Variants in GAP43 observed in about 807,000 individuals in gnomAD.
GAP43 encodes the protein neuromodulin.
GAP43 carries 6 observed loss-of-function variants against 18.6 expected under a neutral mutation model. That is an observed-to-expected ratio of 0.32 (90% CI 0.18 to 0.64). The LOEUF is 0.64. Among genes scored for constraint, GAP43 ranks in the 30% least tolerant of loss-of-function variants. The probability of loss-of-function intolerance (pLI) is 0.78; values close to 1 mark genes in which losing one functional copy is unlikely to be tolerated. For synonymous variants in GAP43, 115 were observed against 111.4 expected, an observed-to-expected ratio of 1.03 and a Z score of -0.20; for missense variants, 292 against 295.5, an observed-to-expected ratio of 0.99 and a Z score of 0.09.
intron 2 of GAP43, among the ~76,000 whole-genome samples, chr3:115,683,143 G>GCACACACACACACA (rs1263644111): frequency 1.3e-4 from 16 of 126,046 alleles, no homozygotes; most frequent in Admixed American, 4.0e-4. Context: ...GTGCGCGCGC[G>GCACACACACACACA]CGCGCACACA....
intron 2 of GAP43, among the ~76,000 whole-genome samples, chr3:115,701,812 T>C (rs1012176580): frequency 1.3e-5 from 2 of 152,128 alleles, no homozygotes; most frequent in Non-Finnish European, 2.9e-5. Flanking sequence ...CTTCCTCCCA[T>C]TGGCTATTAC....
At chr3:115,624,693 T>C (rs1364860956) in intron 1 of GAP43, among the ~76,000 whole-genome samples, 3 of 152,280 alleles carry the variant, frequency 2.0e-5, no homozygotes, top group Admixed American at 6.5e-5. Flanking sequence ...GCTTATTTCT[T>C]GAAAGACATT....
intron 2 of GAP43, among the ~76,000 whole-genome samples, chr3:115,682,050 C>A (rs1421832103): frequency 6.6e-6 from 1 of 152,146 alleles, no homozygotes; most frequent in Non-Finnish European, 1.5e-5. Flanking sequence ...ATTGGATATT[C>A]CAGACTCTTG....
intron 1 of GAP43, among the ~76,000 whole-genome samples, chr3:115,666,326 A>G (rs1708732441): frequency 6.6e-6 from 1 of 152,206 alleles, no homozygotes; most frequent in African/African-American, 2.4e-5. Flanking sequence ...GAATAGATAT[A>G]GCTCAGTAGT....
chr3:115,675,289 C>T (rs184041526), intron 1 of GAP43, among the ~76,000 whole-genome samples: 2 of 152,204 alleles, frequency 1.3e-5, no homozygotes, highest in Non-Finnish European at 2.9e-5. Flanking sequence ...CAGGGATGGT[C>T]TCGAACTCCT....
At chr3:115,686,908 G>C (rs997975304) in intron 2 of GAP43, among the ~76,000 whole-genome samples, 1 of 152,112 alleles carries the variant, frequency 6.6e-6, no homozygotes, top group Non-Finnish European at 1.5e-5. Flanking sequence ...TTCGTGCTAG[G>C]AGGAACATTG....
intron 2 of GAP43, among the ~76,000 whole-genome samples, chr3:115,709,414 G>C (rs1709406650): frequency 6.6e-6 from 1 of 152,160 alleles, no homozygotes; most frequent in South Asian, 2.1e-4. Context: ...TGAAATCCCA[G>C]CTCAGATTTT....
chr3:115,624,336 G>A (rs1461394570), intron 1 of GAP43, among the ~76,000 whole-genome samples: 1 of 151,588 alleles, frequency 6.6e-6, no homozygotes, highest in African/African-American at 2.4e-5. Flanking sequence ...AGACAACTGG[G>A]GCTGGGGGAG....
At chr3:115,661,718 G>C (rs1380376384) in intron 1 of GAP43, among the ~76,000 whole-genome samples, 1 of 151,634 alleles carries the variant, frequency 6.6e-6, no homozygotes, top group Non-Finnish European at 1.5e-5. Context: ...TCGATCTCCT[G>C]ACCTCGTGAT....
intron 2 of GAP43, among the ~76,000 whole-genome samples, chr3:115,715,815 T>G (rs529165020): frequency 6.6e-6 from 1 of 152,326 alleles, no homozygotes; most frequent in South Asian, 2.1e-4. Flanking sequence ...CCGGACTCCC[T>G]GCTTTAGTTA....
At chr3:115,687,004 A>G (rs750306043) in intron 2 of GAP43, among the ~76,000 whole-genome samples, 2 of 152,114 alleles carry the variant, frequency 1.3e-5, no homozygotes, top group African/African-American at 2.4e-5. Flanking sequence ...CCTAGGCACT[A>G]TTTGCTCAAA....
intron 1 of GAP43, among the ~76,000 whole-genome samples, chr3:115,630,648 A>G (rs949689170): frequency 2.6e-5 from 4 of 152,214 alleles, no homozygotes. Context: ...AAGGTTCAGT[A>G]GTATTTGTCA....
intron 1 of GAP43, among the ~76,000 whole-genome samples, chr3:115,635,245 T>G (rs1262779599): frequency 2.6e-5 from 4 of 152,136 alleles, no homozygotes; most frequent in African/African-American, 9.7e-5. Context: ...TATTAAATAT[T>G]CATTTGAAAA....
intron 2 of GAP43, among the ~76,000 whole-genome samples, chr3:115,681,875 C>T (rs1708961769): frequency 6.6e-6 from 1 of 152,128 alleles, no homozygotes. Context: ...TCATTGTTGA[C>T]AGCTAGCAAT....
At chr3:115,680,959 A>T (rs1449465855) in intron 2 of GAP43, among the ~76,000 whole-genome samples, 3 of 152,210 alleles carry the variant, frequency 2.0e-5, no homozygotes, top group Non-Finnish European at 4.4e-5. Context: ...GGATATTTAC[A>T]CTTATTTGGC....
At chr3:115,689,037 C>T (rs1002076128) in intron 2 of GAP43, among the ~76,000 whole-genome samples, 1 of 152,194 alleles carries the variant, frequency 6.6e-6, no homozygotes, top group Non-Finnish European at 1.5e-5. Flanking sequence ...ACAGCTTGCT[C>T]CTGTCCCAGG....
intron 1 of GAP43, among the ~76,000 whole-genome samples, chr3:115,638,778 T>C (rs914446444): frequency 6.6e-6 from 1 of 152,016 alleles, no homozygotes; most frequent in Non-Finnish European, 1.5e-5. Context: ...ATTTCCGTGA[T>C]AATAAACAGG....
chr3:115,646,542 T>C (rs1403657676), intron 1 of GAP43, among the ~76,000 whole-genome samples: 2 of 151,814 alleles, frequency 1.3e-5, no homozygotes, highest in East Asian at 3.9e-4. Context: ...TAGGTGGGGG[T>C]TCAGAAGGGC....
intron 2 of GAP43, among the ~76,000 whole-genome samples, chr3:115,677,794 A>G (rs1708912300): frequency 6.6e-6 from 1 of 152,154 alleles, no homozygotes. Flanking sequence ...GGTCTGAGGA[A>G]TGTTTTGGCA....
Sources: allele counts gnomAD v4.1 joint callset (sites outside exome capture counted in the v4.1 genomes callset), GRCh38; gene constraint gnomAD v4.1.1; transcripts MANE v1.5; gene names NCBI Gene and HGNC (gene_info 2026-07-23, HGNC 2026-07-21).